The following CAST variants were observed in gnomAD, a reference collection of about 807,000 sequenced individuals.
CAST encodes the protein MIR583 host.
CAST carries 76 observed loss-of-function variants against 119.6 expected under a neutral mutation model. The observed-to-expected ratio is 0.64, with a 90% confidence interval of 0.53 to 0.77. The LOEUF (loss-of-function observed/expected upper bound fraction) is 0.77, where lower values mean the gene tolerates loss of function less well. CAST is among the 30% of genes least tolerant of loss of function. The pLI is 0.00. For missense variants in CAST, 953 were observed against 946.5 expected, an observed-to-expected ratio of 1.01 and a Z score of -0.09; for synonymous variants, 319 against 331.6, an observed-to-expected ratio of 0.96 and a Z score of 0.41.
the CAST span, among the ~76,000 whole-genome samples, chr5:96,060,583 T>C: frequency 6.6e-6 from 1 of 152,078 alleles, no homozygotes; most frequent in Non-Finnish European, 1.5e-5. Flanking sequence ...CTTGGGAACA[T>C]TTCTTCTACC....
the CAST span, chr5:96,432,714 C>T: frequency 3.0e-6 from 2 of 670,242 alleles, no homozygotes; most frequent in East Asian, 5.4e-5. Flanking sequence ...TCTCCAAGCG[C>T]GACAGGGGCG....
chr5:96,707,021 A>G (rs1160918560), intron 3 of CAST, among the ~76,000 whole-genome samples: 1 of 152,138 alleles, frequency 6.6e-6, no homozygotes, highest in African/African-American at 2.4e-5. Context: ...TCACCACTCA[A>G]CCCGAGGTGC....
chr5:96,121,163 C>G, the CAST span, among the ~76,000 whole-genome samples: 3 of 152,116 alleles, frequency 2.0e-5, no homozygotes, highest in Admixed American at 6.6e-5. Flanking sequence ...ATGTAAGCTT[C>G]AAAAGGGCGT....
intron 2 of CAST, among the ~76,000 whole-genome samples, chr5:96,680,576 G>A (rs17399215): frequency 0.042 from 6,313 of 151,828 alleles, 178 homozygotes; most frequent in Middle Eastern, 0.092. Flanking sequence ...GGCCTAGTCT[G>A]AAAATGATAA....
the CAST span, among the ~76,000 whole-genome samples, chr5:96,298,134 T>G: frequency 1.1e-4 from 17 of 152,200 alleles, no homozygotes; most frequent in African/African-American, 3.6e-4. Flanking sequence ...ACAGGAATCT[T>G]ACACAATTCA....
Position 96,771,700 on chromosome 5 carries a change from C to T in CAST, c.*21C>T. 6.3e-7 allele frequency: 1 copy of T among 1,599,106 alleles called. No individual in the cohort carries two copies. Among genetic ancestry groups the T allele is most frequent in the Non-Finnish European group, 8.6e-7 (1 of 1,167,032 alleles). ...ACTAAAGAAATACAAGTTAAGGTAT[C>T]TGGTAAGTTGGGTGTTTATTTGTAA... On this transcript the variant is annotated splice_region_variant and 3_prime_UTR_variant, in exon 31 of 32. Transcript: ENST00000675179.
At chr5:96,359,764 C>G in the CAST span, among the ~76,000 whole-genome samples, 1 of 152,166 alleles carries the variant, frequency 6.6e-6, no homozygotes, top group African/African-American at 2.4e-5. Flanking sequence ...CTGCCCTTAA[C>G]ATTTTTTCCT....
chr5:95,982,537 C>A, the CAST span, among the ~76,000 whole-genome samples: 2 of 152,070 alleles, frequency 1.3e-5, no homozygotes, highest in Non-Finnish European at 2.9e-5. Flanking sequence ...CATCTCCAGG[C>A]CTGTTTTCTT....
chr5:96,748,767 T>A, intron 19 of CAST, 154 bp downstream of exon 19: 1 of 560,982 alleles, frequency 1.8e-6, no homozygotes, highest in Non-Finnish European at 3.2e-6. Flanking sequence ...TTGGATGTGC[T>A]TTCTGCCCCA....
chr5:96,154,418 T>C, the CAST span, among the ~76,000 whole-genome samples: 1 of 152,102 alleles, frequency 6.6e-6, no homozygotes, highest in Non-Finnish European at 1.5e-5. Flanking sequence ...TATAGGAAAA[T>C]TGCTAAGATA....
At position 96,663,215 on chromosome 5, in the gene CAST, G is replaced by A. The variant is rs764232170; in HGVS notation, c.75+718G>A. 34 of 702,726 alleles carry A rather than the reference G, an allele frequency of 4.8e-5. 1 individual carries two copies. In the South Asian group the frequency reaches 4.9e-4, roughly 10 times the overall value. 43.5% of individuals were successfully genotyped at this position (702,726 alleles called of 1,614,324 possible). A position where few individuals can be genotyped will look rare whatever the true frequency, so the allele number is the denominator to read the frequency against. ...GGCAGGACCCGGAAGGGAGTGTGTTGGAAGGGAGTGTGTTTGCTTTGCCCT... is the reference window on the plus strand; with the variant it reads ...GGCAGGACCCGGAAGGGAGTGTGTTAGAAGGGAGTGTGTTTGCTTTGCCCT... On this transcript the variant is annotated intron_variant, in intron 1 of 31. Coordinates refer to ENST00000675179, the MANE Select transcript of CAST (RefSeq NM_001750.7).
At chr5:96,714,315 A>T (rs1756804847) in intron 3 of CAST, among the ~76,000 whole-genome samples, 1 of 152,216 alleles carries the variant, frequency 6.6e-6, no homozygotes, top group African/African-American at 2.4e-5. Context: ...GTGTTTCCCA[A>T]TTGAACATCT....
intron 3 of CAST, chr5:96,702,856 T>A: frequency 1.0e-6 from 1 of 985,432 alleles, no homozygotes; most frequent in Non-Finnish European, 1.2e-6. Context: ...CGAGCCCAGC[T>A]AGGAATGCAG....
the CAST span, among the ~76,000 whole-genome samples, chr5:96,509,798 T>A: frequency 6.6e-6 from 1 of 152,250 alleles, no homozygotes; most frequent in African/African-American, 2.4e-5. Flanking sequence ...TTTCTCTGTA[T>A]GTATTTGTAC....
chr5:96,528,406 C>T (rs911153342), upstream of CAST, among the ~76,000 whole-genome samples: 7 of 152,192 alleles, frequency 4.6e-5, no homozygotes, highest in East Asian at 7.7e-4. Flanking sequence ...CATTGGCCCC[C>T]CTTCCACTGG....
the CAST span, among the ~76,000 whole-genome samples, chr5:96,294,910 G>T: frequency 6.6e-6 from 1 of 152,102 alleles, no homozygotes; most frequent in Non-Finnish European, 1.5e-5. Context: ...GGAGAGCAAG[G>T]CATATAATAT....
chr5:96,260,828 T>C, the CAST span, among the ~76,000 whole-genome samples: 1 of 152,240 alleles, frequency 6.6e-6, no homozygotes, highest in Non-Finnish European at 1.5e-5. Flanking sequence ...TGTTGCTTAA[T>C]TTAGCCCAGG....
At chr5:96,652,045 TC>T (rs1447593340) in intron 1 of CAST, among the ~76,000 whole-genome samples, 1 of 152,186 alleles carries the variant, frequency 6.6e-6, no homozygotes, top group African/African-American at 2.4e-5. Flanking sequence ...TCGGTAAACT[TC>T]CTAAGCACTT....
At chr5:96,317,245 C>G in the CAST span, among the ~76,000 whole-genome samples, 1 of 149,572 alleles carries the variant, frequency 6.7e-6, no homozygotes, top group East Asian at 2.0e-4. Flanking sequence ...AGGTGGATCA[C>G]TTGAGCCCAG....
Sources: gnomAD v4.1 joint callset for allele counts (sites outside exome capture counted in the v4.1 genomes callset) on GRCh38, gnomAD v4.1.1 for gene constraint, MANE v1.5 for transcripts, NCBI Gene and HGNC (gene_info 2026-07-23, HGNC 2026-07-21) for gene names.